The following MOGAT1 variants were observed in gnomAD, a reference collection of about 807,000 sequenced individuals.
The protein encoded by MOGAT1 is 2-acylglycerol O-acyltransferase 1.
In MOGAT1, 32 loss-of-function variants were observed where a neutral mutation model predicts 31.4. The ratio of observed to expected loss-of-function variants is 1.02; its 90% CI spans 0.77 to 1.37. The LOEUF (loss-of-function observed/expected upper bound fraction) is 1.37, where lower values mean the gene tolerates loss of function less well. MOGAT1 is among the 40% of genes most tolerant of loss of function. The pLI, the probability that MOGAT1 is intolerant of heterozygous loss-of-function variation, is 0.00. For synonymous variants in MOGAT1, 145 were observed against 144.5 expected (o/e 1.00, Z -0.03); for missense variants, 426 against 402.0 (o/e 1.06, Z -0.51).
At chr2:222,706,353 A>G (rs1309576387) in intron 5 of MOGAT1, among the ~76,000 whole-genome samples, 1 of 151,970 alleles carries the variant, frequency 6.6e-6, no homozygotes, top group Non-Finnish European at 1.5e-5. Context: ...CGTGCCTGTA[A>G]TTCCAACTAC....
intron 3 of MOGAT1, among the ~76,000 whole-genome samples, chr2:222,691,574 T>C (rs938698078): frequency 1.2e-4 from 19 of 152,206 alleles, no homozygotes; most frequent in African/African-American, 4.6e-4. Flanking sequence ...AAAAGGTAAA[T>C]AGAAATACTC....
chr2:222,709,664 G>A, intron 5 of MOGAT1, 72 bp from the exon 6 acceptor site: 5 of 1,397,798 alleles, frequency 3.6e-6, no homozygotes, highest in Non-Finnish European at 5.0e-6. Context: ...GTTCACAGCT[G>A]TGCATTAGGG....
intron 5 of MOGAT1, among the ~76,000 whole-genome samples, chr2:222,707,674 A>G (rs1382292744): frequency 1.3e-5 from 2 of 152,184 alleles, no homozygotes; most frequent in African/African-American, 4.8e-5. Flanking sequence ...TATGTCTACT[A>G]TGTATAAATG....
chr2:222,673,424 G>C lies in MOGAT1; in HGVS notation c.94+1545G>C, dbSNP rs185615566. Among the ~76,000 whole-genome samples, 5 of 151,222 alleles carry C rather than the reference G, an allele frequency of 3.3e-5. No homozygotes were observed. In the East Asian group the frequency reaches 9.7e-4, roughly 29 times the overall value. On this transcript the variant is annotated intron_variant, in intron 1 of 5. Coordinates refer to ENST00000446656, the MANE Select transcript of MOGAT1 (RefSeq NM_058165.3). ...GGGTTGCTCTGGATCAAAGCACCAT[G>C]GAGATAACAACACACGACCTTATCT...
intron 1 of MOGAT1, among the ~76,000 whole-genome samples, chr2:222,686,139 G>A (rs959196316): frequency 6.6e-6 from 1 of 152,116 alleles, no homozygotes; most frequent in Admixed American, 6.6e-5. Flanking sequence ...TTATGCTTAC[G>A]AACCTGCTTA....
chr2:222,681,392 T>C (rs1257241799), intron 1 of MOGAT1, among the ~76,000 whole-genome samples: 1 of 152,166 alleles, frequency 6.6e-6, no homozygotes, highest in Non-Finnish European at 1.5e-5. Flanking sequence ...ACACTTATGT[T>C]TGGCAGTTTA....
intron 5 of MOGAT1, among the ~76,000 whole-genome samples, chr2:222,707,244 GGAAAGAAAGA>G (rs1693015137): frequency 1.4e-5 from 2 of 145,812 alleles, no homozygotes; most frequent in South Asian, 2.2e-4. Flanking sequence ...GGAAGGGAGG[GGAAAGAAAGA>G]GAAAGAAAGA....
intron 1 of MOGAT1, among the ~76,000 whole-genome samples, chr2:222,685,993 A>G (rs1692660098): frequency 2.0e-5 from 3 of 152,122 alleles, no homozygotes; most frequent in Admixed American, 1.3e-4. Flanking sequence ...TGAAATATTG[A>G]ATTAGTAGCT....
intron 5 of MOGAT1, among the ~76,000 whole-genome samples, chr2:222,708,531 G>A (rs894183820): frequency 6.6e-6 from 1 of 152,192 alleles, no homozygotes; most frequent in African/African-American, 2.4e-5. Context: ...TTTAAAATAT[G>A]TATAGAGGTT....
In MOGAT1 at chr2:222,688,377, T is replaced by C. The variant is rs1485063966; in HGVS notation, c.128T>C (p.Ile43Thr). 6.2e-7 allele frequency: 1 copy of C among 1,612,736 alleles called. No individual in the cohort carries two copies. Among genetic ancestry groups the C allele is most frequent in the East Asian group, 2.2e-5 (1 of 44,862 alleles). Residue 43 changes from isoleucine to threonine, a missense_variant, in exon 2 of 6, where the codon ATC becomes ACC. Coordinates refer to ENST00000446656, the MANE Select transcript of MOGAT1 (RefSeq NM_058165.3). ...PMSIGITVML[I>T]IHNYLFLYIP... is the part of the protein sequence containing the mutation. The stretch of plus-strand genomic sequence containing the variant: ...TCCATTGGAATCACTGTGATGCTGA[T>C]CATACACAACTATTTGTTCCTTTAC...
At chr2:222,703,359 GTTAGAGTGCCC>G (rs1369023076) in intron 5 of MOGAT1, among the ~76,000 whole-genome samples, 1 of 152,058 alleles carries the variant, frequency 6.6e-6, no homozygotes, top group Non-Finnish European at 1.5e-5. Context: ...AAAAGGGGAG[GTTAGAGTGCCC>G]TTCTTGTACC....
chr2:222,705,692 A>C (rs973952982), intron 5 of MOGAT1, among the ~76,000 whole-genome samples: 3 of 152,068 alleles, frequency 2.0e-5, no homozygotes, highest in Non-Finnish European at 4.4e-5. Flanking sequence ...TCATTTGTAA[A>C]ACAGGGACAA....
intron 5 of MOGAT1, among the ~76,000 whole-genome samples, chr2:222,708,178 G>A (rs1285073805): frequency 6.6e-6 from 1 of 152,160 alleles, no homozygotes; most frequent in East Asian, 1.9e-4. Context: ...CTGCCTCCTG[G>A]GTTCTAGAGG....
chr2:222,691,792 AG>A (rs1692767024), intron 3 of MOGAT1, among the ~76,000 whole-genome samples: 1 of 152,186 alleles, frequency 6.6e-6, no homozygotes, highest in African/African-American at 2.4e-5. Context: ...AGGGCTTCAG[AG>A]GGCCTTTGTT....
intron 1 of MOGAT1, among the ~76,000 whole-genome samples, chr2:222,685,755 C>A (rs1692655398): frequency 6.6e-6 from 1 of 151,810 alleles, no homozygotes; most frequent in African/African-American, 2.4e-5. Context: ...CACCCACCAC[C>A]ACACCCCACC....
In MOGAT1 at chr2:222,694,347, GT is replaced by G; in HGVS notation, c.479-11del. 6.3e-7 allele frequency: 1 copy of G among 1,581,580 alleles called. No homozygotes were observed. The highest frequency in any genetic ancestry group is 8.6e-7 in the Non-Finnish European group (1 of 1,164,944). Reference sequence around the variant, plus strand: ...AGAAAAGGATAACTAGTTACTTTTTGTTTTATTCACTAAGGGCTGGTTTCAG... The same window carrying G: ...AGAAAAGGATAACTAGTTACTTTTTGTTTATTCACTAAGGGCTGGTTTCAG... On this transcript the variant is annotated splice_polypyrimidine_tract_variant and intron_variant, in intron 3 of 5. Transcript: ENST00000446656.
At chr2:222,709,073 C>T (rs1421477415) in intron 5 of MOGAT1, among the ~76,000 whole-genome samples, 1 of 152,058 alleles carries the variant, frequency 6.6e-6, no homozygotes, top group East Asian at 1.9e-4. Context: ...CCTGGCCAGT[C>T]GCTCACCCTT....
At chr2:222,690,347 G>A (rs987653199) in intron 3 of MOGAT1, among the ~76,000 whole-genome samples, 3 of 152,092 alleles carry the variant, frequency 2.0e-5, no homozygotes, top group African/African-American at 7.2e-5. Context: ...ATCACTTGAG[G>A]TCAGGAGTTC....
intron 1 of MOGAT1, among the ~76,000 whole-genome samples, chr2:222,684,511 T>C (rs953099229): frequency 1.3e-5 from 2 of 152,198 alleles, no homozygotes; most frequent in Non-Finnish European, 2.9e-5. Flanking sequence ...TTAGAACAAC[T>C]TCTTTGGATA....
Sources: gnomAD v4.1 joint callset for allele counts (sites outside exome capture counted in the v4.1 genomes callset) on GRCh38, gnomAD v4.1.1 for gene constraint, MANE v1.5 for transcripts, NCBI Gene and HGNC (gene_info 2026-07-23, HGNC 2026-07-21) for gene names.